CNPY1: variants seen among roughly 807,000 people sequenced by gnomAD.
CNPY1 encodes canopy FGF signaling regulator 1, also known as protein canopy homolog 1.
A neutral mutation model predicts 14.4 loss-of-function variants in CNPY1; 14 were observed. That is an observed-to-expected ratio of 0.97 (90% CI 0.64 to 1.52). CNPY1 has a LOEUF of 1.52. Ranked by LOEUF, CNPY1 falls within the 40% of genes most tolerant of loss-of-function variation. The pLI is 0.00. For missense variants in CNPY1, 129 were observed against 131.5 expected (o/e 0.98, Z 0.09); for synonymous variants, 43 against 46.5 (o/e 0.92, Z 0.31).
At chr7:155,505,378 T>G (rs1796270022) in intron 4 of CNPY1, among the ~76,000 whole-genome samples, 1 of 152,266 alleles carries the variant, frequency 6.6e-6, no homozygotes, top group Non-Finnish European at 1.5e-5. Flanking sequence ...AGGTTTCATT[T>G]TATACTTGCA....
intron 2 of CNPY1, 40 bp downstream of exon 2, chr7:155,545,791 T>G: frequency 2.5e-6 from 1 of 398,416 alleles, no homozygotes. Context: ...ATTGCCCATA[T>G]CCGCAATTAT....
chr7:155,509,398 T>C (rs181650846), intron 2 of CNPY1, among the ~76,000 whole-genome samples: 8 of 152,248 alleles, frequency 5.3e-5, no homozygotes, highest in African/African-American at 1.2e-4. Flanking sequence ...TGTTTAGAAA[T>C]CACTGAGCAT....
At chr7:155,522,347 C>T (rs935485025) in intron 2 of CNPY1, among the ~76,000 whole-genome samples, 2 of 152,282 alleles carry the variant, frequency 1.3e-5, no homozygotes, top group African/African-American at 4.8e-5. Context: ...GGCCATGTCT[C>T]TGCCCATGCC....
intron 3 of CNPY1, among the ~76,000 whole-genome samples, chr7:155,508,399 G>C (rs1796402308): frequency 6.6e-6 from 1 of 152,162 alleles, no homozygotes; most frequent in Admixed American, 6.5e-5. Flanking sequence ...AAAAAGAGGT[G>C]GTTGCATCAC....
chr7:155,515,294 GCCCCCC>G (rs57488569), intron 2 of CNPY1, among the ~76,000 whole-genome samples: 4 of 120,254 alleles, frequency 3.3e-5, no homozygotes, highest in Admixed American at 9.0e-5. Context: ...TCTCAAGGCC[GCCCCCC>G]CCCCCCCCGG....
rs1796149786 is a variant in CNPY1, at chr7:155,502,567, G to A, written c.*501C>T. On this transcript the variant is annotated 3_prime_UTR_variant, in exon 5 of 5. Transcript: ENST00000636446. ...TAATTTCATTCCTGATAAAAAGTGG[G>A]TTTCTTTCACTAATAGCCATATCTC... 2 of 152,416 alleles carry A rather than the reference G, an allele frequency of 1.3e-5. No individual in the cohort carries two copies. The highest frequency in any genetic ancestry group is 6.5e-5 in the Admixed American group (1 of 15,272). The allele number at this position is 152,416 out of a possible 1,614,324, so 9.4% of individuals were successfully genotyped here. A position where few individuals can be genotyped will look rare whatever the true frequency, so the allele number is the denominator to read the frequency against.
chr7:155,533,835 C>A (rs982316716), intron 2 of CNPY1: 1 of 152,274 alleles, frequency 6.6e-6, no homozygotes, highest in Non-Finnish European at 1.5e-5. Flanking sequence ...GCTCTCCCGG[C>A]ATTGTTTCAG....
intron 2 of CNPY1, among the ~76,000 whole-genome samples, chr7:155,512,599 A>C (rs937031822): frequency 6.6e-6 from 1 of 152,228 alleles, no homozygotes; most frequent in Non-Finnish European, 1.5e-5. Context: ...ACACTTTAAT[A>C]ACGGCCAATT....
chr7:155,520,297 G>C (rs1035674161), intron 2 of CNPY1, among the ~76,000 whole-genome samples: 1 of 152,182 alleles, frequency 6.6e-6, no homozygotes, highest in Non-Finnish European at 1.5e-5. Flanking sequence ...AGAGCCCATG[G>C]TAGAAGGACA....
At chr7:155,540,309 C>A (rs949803805) in intron 2 of CNPY1, among the ~76,000 whole-genome samples, 3 of 152,348 alleles carry the variant, frequency 2.0e-5, no homozygotes, top group Admixed American at 6.5e-5. Context: ...AAGCACCGTG[C>A]ACTGGGGTCT....
intron 2 of CNPY1, among the ~76,000 whole-genome samples, chr7:155,540,912 G>C (rs1563098178): frequency 6.6e-6 from 1 of 152,224 alleles, no homozygotes; most frequent in Non-Finnish European, 1.5e-5. Context: ...TGAAGTAACT[G>C]CCTCCAAATT....
Position 155,505,518 on chromosome 7 carries a change from T to C in CNPY1, c.400+1502A>G, listed in dbSNP as rs117187809. 1.6e-3 allele frequency among the ~76,000 whole-genome samples: 237 copies of C among 152,324 alleles called. 1 individual carries two copies. The highest frequency in any genetic ancestry group is 6.8e-3 in the Middle Eastern group (2 of 294). On this transcript the variant is annotated intron_variant, in intron 4 of 4. Coordinates refer to ENST00000636446, the MANE Select transcript of CNPY1 (RefSeq NM_001393663.1). ...TTAAGATTATTGAAATTAAGTCAAA[T>C]TGACAAACTTGGGAGCAGTCTTTCC...
intron 2 of CNPY1, among the ~76,000 whole-genome samples, chr7:155,532,258 T>A (rs747002869): frequency 1.3e-5 from 2 of 152,314 alleles, no homozygotes; most frequent in Non-Finnish European, 2.9e-5. Flanking sequence ...CCCTGCAGGC[T>A]CTGTGTCTTC....
At chr7:155,511,325 T>G (rs913788077) in intron 2 of CNPY1, among the ~76,000 whole-genome samples, 2 of 152,186 alleles carry the variant, frequency 1.3e-5, no homozygotes, top group Admixed American at 1.3e-4. Context: ...TGAAAACTAA[T>G]TTTTCAATTC....
intron 4 of CNPY1, among the ~76,000 whole-genome samples, chr7:155,506,209 A>G (rs1796301454): frequency 6.6e-6 from 1 of 152,212 alleles, no homozygotes; most frequent in Non-Finnish European, 1.5e-5. Flanking sequence ...GTTTAAAAGT[A>G]CCCCACTGGC....
chr7:155,520,352 G>C (rs967623959), intron 2 of CNPY1, among the ~76,000 whole-genome samples: 13 of 151,884 alleles, frequency 8.6e-5, no homozygotes, highest in African/African-American at 2.9e-4. Flanking sequence ...CCCACATGCG[G>C]TCCCAGGGCA....
chr7:155,542,607 G>T (rs1797099072), intron 2 of CNPY1, among the ~76,000 whole-genome samples: 1 of 152,158 alleles, frequency 6.6e-6, no homozygotes, highest in Admixed American at 6.5e-5. Flanking sequence ...AAAAAGCGGG[G>T]TCCCCACATA....
chr7:155,516,876 G>C (rs1796632348), intron 2 of CNPY1, among the ~76,000 whole-genome samples: 1 of 152,222 alleles, frequency 6.6e-6, no homozygotes, highest in South Asian at 2.1e-4. Flanking sequence ...GAAGCCCTTA[G>C]GTTGGGCTGA....
At chr7:155,507,446 C>G (rs1417198374) in intron 3 of CNPY1, among the ~76,000 whole-genome samples, 1 of 99,702 alleles carries the variant, frequency 1.0e-5, no homozygotes, top group South Asian at 3.3e-4. Context: ...ATCGAAGGAG[C>G]TGAAAAGTCC....
Sources: allele counts gnomAD v4.1 joint callset (sites outside exome capture counted in the v4.1 genomes callset), GRCh38; gene constraint gnomAD v4.1.1; transcripts MANE v1.5; gene names NCBI Gene and HGNC (gene_info 2026-07-23, HGNC 2026-07-21).